Variants in LAMA2 observed in about 807,000 individuals in gnomAD.
LAMA2 encodes laminin subunit alpha 2, also known as laminin subunit alpha-2.
LAMA2 carries 269 observed loss-of-function variants against 364.8 expected under a neutral mutation model. The ratio of observed to expected loss-of-function variants is 0.74; its 90% confidence interval spans 0.67 to 0.82. LAMA2 has a LOEUF of 0.82. LAMA2 is among the 40% of genes least tolerant of loss of function. The probability of loss-of-function intolerance (pLI) is 0.00; values close to 1 mark genes in which losing one functional copy is unlikely to be tolerated. For synonymous variants in LAMA2, 1,379 were observed against 1,370.6 expected (o/e 1.01, Z -0.14); for missense variants, 3,807 against 3,873.2 (o/e 0.98, Z 0.45).
intron 29 of LAMA2, among the ~76,000 whole-genome samples, chr6:129,334,855 C>G (rs1775858649): frequency 6.6e-6 from 1 of 152,074 alleles, no homozygotes; most frequent in South Asian, 2.1e-4. Context: ...CATGAGGCTC[C>G]AGCCTCATGA....
intron 3 of LAMA2, among the ~76,000 whole-genome samples, chr6:129,065,917 G>GCTGC (rs1789265487): frequency 6.6e-6 from 1 of 151,844 alleles, no homozygotes; most frequent in African/African-American, 2.4e-5. Context: ...CTCCTTGCCT[G>GCTGC]CTGCCATCCA....
chr6:129,435,091 G>T (rs1229370595), intron 41 of LAMA2, among the ~76,000 whole-genome samples: 1 of 152,030 alleles, frequency 6.6e-6, no homozygotes, highest in East Asian at 1.9e-4. Context: ...CTGAATAATT[G>T]GCCCAGTTGT....
Position 129,270,718 on chromosome 6 carries a change from C to G in LAMA2, c.2417C>G (p.Pro806Arg). 1 of 1,613,164 alleles carries G rather than the reference C, an allele frequency of 6.2e-7. No individual in the cohort carries two copies. The highest frequency in any genetic ancestry group is 8.5e-7 in the Non-Finnish European group (1 of 1,179,430). ...AAAGGAACCTCTGAAGACTGTCAAC[C>G]CTGTGCCTGTCCACTCAATATCCCA... ...PTKGTSEDCQ[P>R]CACPLNIPSN... Residue 806 changes from proline to arginine, a missense_variant, in exon 17 of 65, where the codon CCC becomes CGC. By Grantham distance (103) the Pro-to-Arg change is moderately radical. Coordinates refer to ENST00000421865, the MANE Select transcript of LAMA2 (RefSeq NM_000426.4).
chr6:128,995,497 T>C (rs944888268), intron 1 of LAMA2, among the ~76,000 whole-genome samples: 15 of 152,198 alleles, frequency 9.9e-5, no homozygotes, highest in African/African-American at 3.6e-4. Context: ...AACTTTTTTG[T>C]ATTTTTAGTA....
At chr6:129,455,442 A>G (rs1468267705) in intron 47 of LAMA2, among the ~76,000 whole-genome samples, 3 of 152,160 alleles carry the variant, frequency 2.0e-5, no homozygotes, top group Non-Finnish European at 4.4e-5. Context: ...TTCAGAAAAG[A>G]TACATTCTGT....
intron 1 of LAMA2, among the ~76,000 whole-genome samples, chr6:129,043,352 A>AG (rs1440712503): frequency 1.3e-5 from 2 of 152,218 alleles, no homozygotes; most frequent in Admixed American, 6.5e-5. Context: ...AGAATTTAAC[A>AG]GGGAAAAAGT....
chr6:129,223,959 G>T (rs1442306494), intron 12 of LAMA2, among the ~76,000 whole-genome samples: 1 of 152,106 alleles, frequency 6.6e-6, no homozygotes, highest in Non-Finnish European at 1.5e-5. Context: ...TCACGATATT[G>T]ATTCTTCCTA....
chr6:129,407,323 A>G (rs932092012), intron 40 of LAMA2, among the ~76,000 whole-genome samples: 1 of 152,168 alleles, frequency 6.6e-6, no homozygotes, highest in East Asian at 1.9e-4. Flanking sequence ...AATCATACAT[A>G]ATCTCCAAAT....
Position 129,252,174 on chromosome 6 carries a change from T to C in LAMA2, c.1975T>C (p.Ser659Pro), listed in dbSNP as rs754797379. Residue 659 changes from serine to proline, a missense_variant, in exon 14 of 65, where the codon TCA becomes CCA. Transcript: ENST00000421865. ...HTNVLLLKEE[S>P]FTIHGTHFPV... ...TAATGTATTGTTACTTAAAGAAGAA[T>C]CATTTACCATACATGGCACACATTT... is the stretch of plus-strand genomic sequence containing the variant. 1 of 1,613,638 alleles carries C rather than the reference T, an allele frequency of 6.2e-7. No homozygotes were observed. The highest frequency in any genetic ancestry group is 2.2e-5 in the East Asian group (1 of 44,844).
intron 4 of LAMA2, among the ~76,000 whole-genome samples, chr6:129,120,135 A>C (rs780852882): frequency 6.6e-6 from 1 of 152,254 alleles, no homozygotes; most frequent in Non-Finnish European, 1.5e-5. Context: ...AGATTTCAAG[A>C]TATTCCAGCC....
chr6:129,488,950 C>T (rs1406384163), intron 56 of LAMA2, among the ~76,000 whole-genome samples: 2 of 152,176 alleles, frequency 1.3e-5, no homozygotes, highest in Non-Finnish European at 2.9e-5. Context: ...ATCCTTTCAT[C>T]ACAGATGAGA....
At chr6:129,330,642 A>T (rs1583510036) in intron 29 of LAMA2, among the ~76,000 whole-genome samples, 6 of 115,604 alleles carry the variant, frequency 5.2e-5, no homozygotes, top group Admixed American at 1.1e-4. Context: ...TCTCTAGTTC[A>T]CTTCTTCTAA....
At chr6:128,995,693 C>A (rs924950384) in intron 1 of LAMA2, among the ~76,000 whole-genome samples, 5 of 152,094 alleles carry the variant, frequency 3.3e-5, no homozygotes, top group Admixed American at 3.3e-4. Context: ...GTCTGTTGTT[C>A]CCACTTTTAT....
At chr6:129,014,055 T>G (rs1784929863) in intron 1 of LAMA2, among the ~76,000 whole-genome samples, 1 of 152,130 alleles carries the variant, frequency 6.6e-6, no homozygotes, top group Non-Finnish European at 1.5e-5. Flanking sequence ...ATTCTAGATT[T>G]TTGTCTTGAG....
intron 27 of LAMA2, among the ~76,000 whole-genome samples, chr6:129,319,773 T>C (rs1487129862): frequency 2.6e-5 from 4 of 152,104 alleles, no homozygotes; most frequent in Non-Finnish European, 5.9e-5. Flanking sequence ...TTAACATATA[T>C]TTGTGTGGGT....
intron 27 of LAMA2, among the ~76,000 whole-genome samples, chr6:129,318,429 G>A (rs955854335): frequency 6.6e-6 from 1 of 152,098 alleles, no homozygotes; most frequent in African/African-American, 2.4e-5. Context: ...AAAAAATGGT[G>A]TATTGCAGAA....
intron 4 of LAMA2, among the ~76,000 whole-genome samples, chr6:129,137,703 G>C (rs1273505164): frequency 6.6e-6 from 1 of 152,106 alleles, no homozygotes; most frequent in Non-Finnish European, 1.5e-5. Context: ...ATTGAGGAAA[G>C]AGCTAATTCA....
chr6:129,051,130 T>A (rs202069361), intron 2 of LAMA2, among the ~76,000 whole-genome samples: 2 of 150,780 alleles, frequency 1.3e-5, no homozygotes, highest in East Asian at 1.9e-4. Flanking sequence ...TCTATCTGTA[T>A]CTATCTTTCT....
intron 48 of LAMA2, among the ~76,000 whole-genome samples, chr6:129,457,527 A>T (rs1783032066): frequency 6.6e-6 from 1 of 152,074 alleles, no homozygotes; most frequent in African/African-American, 2.4e-5. Flanking sequence ...TGGTTATCTC[A>T]ACTAGAAAAG....
Sources: gnomAD v4.1 joint callset for allele counts (sites outside exome capture counted in the v4.1 genomes callset) on GRCh38, gnomAD v4.1.1 for gene constraint, MANE v1.5 for transcripts, NCBI Gene and HGNC (gene_info 2026-07-23, HGNC 2026-07-21) for gene names.